The following CTNNA3 variants were observed in gnomAD, a reference collection of about 807,000 sequenced individuals.
The protein encoded by CTNNA3 is catenin alpha 3, also known as catenin alpha-3.
Under a neutral mutation model 95.7 loss-of-function variants are expected in CTNNA3, and 76 were observed. The ratio of observed to expected loss-of-function variants is 0.79; its 90% CI spans 0.66 to 0.96. The LOEUF (loss-of-function observed/expected upper bound fraction) is 0.96, where lower values mean the gene tolerates loss of function less well. Among genes scored for constraint, CTNNA3 ranks in the 40% least tolerant of loss-of-function variants. The pLI is 0.00. For synonymous variants in CTNNA3, 431 were observed against 374.4 expected (o/e 1.15, Z -1.74); for missense variants, 1,191 against 1,089.8 (o/e 1.09, Z -1.31).
At chr10:67,672,082 G>A (rs1253475805) in intron 1 of CTNNA3, among the ~76,000 whole-genome samples, 4 of 152,122 alleles carry the variant, frequency 2.6e-5, no homozygotes, top group Non-Finnish European at 5.9e-5. Context: ...TCTCATTGTG[G>A]TTTTGATTTG....
rs554468847 is a variant in CTNNA3, at chr10:67,447,569, C to T, written c.579+74273G>A. 4.7e-4 allele frequency among the ~76,000 whole-genome samples: 72 copies of T among 152,288 alleles called. No homozygotes were observed. In the Middle Eastern group the frequency reaches 0.01, roughly 22 times the overall value. ...TCCCCTCAGTCTAGAACATTCCCCA[C>T]CACTACCACCCATATCTGTTTGGCC... On this transcript the variant is annotated intron_variant, in intron 5 of 17. Transcript: ENST00000433211.
intron 1 of CTNNA3, among the ~76,000 whole-genome samples, chr10:67,705,198 A>T (rs1327124262): frequency 2.6e-5 from 4 of 152,122 alleles, no homozygotes; most frequent in Non-Finnish European, 5.9e-5. Flanking sequence ...AACTAGTTCA[A>T]CCATTGTGGA....
At chr10:66,409,936 C>T (rs1435903022) in intron 11 of CTNNA3, among the ~76,000 whole-genome samples, 1 of 152,174 alleles carries the variant, frequency 6.6e-6, no homozygotes, top group African/African-American at 2.4e-5. Flanking sequence ...TCAGGAAGCA[C>T]CAAGTGCCCT....
At chr10:66,906,938 ATTAT>A (rs1343757100) in intron 7 of CTNNA3, among the ~76,000 whole-genome samples, 1 of 152,092 alleles carries the variant, frequency 6.6e-6, no homozygotes, top group Non-Finnish European at 1.5e-5. Context: ...AAGTCCATTA[ATTAT>A]TCTCTTGACT....
At chr10:67,301,352 T>C (rs891644207) in intron 5 of CTNNA3, among the ~76,000 whole-genome samples, 1 of 152,100 alleles carries the variant, frequency 6.6e-6, no homozygotes, top group Non-Finnish European at 1.5e-5. Context: ...AGATGGAAGA[T>C]AAGTATAGGA....
intron 5 of CTNNA3, among the ~76,000 whole-genome samples, chr10:67,431,437 A>C (rs1846108581): frequency 6.6e-6 from 1 of 151,988 alleles, no homozygotes; most frequent in Non-Finnish European, 1.5e-5. Context: ...CCTTCTAACA[A>C]ACCCCATGAG....
At chr10:66,677,828 T>A (rs1846916217) in intron 9 of CTNNA3, among the ~76,000 whole-genome samples, 1 of 152,172 alleles carries the variant, frequency 6.6e-6, no homozygotes, top group African/African-American at 2.4e-5. Context: ...GAGAATAGAC[T>A]AATACAAAAG....
At chr10:67,367,252 C>A (rs1466605972) in intron 5 of CTNNA3, among the ~76,000 whole-genome samples, 2 of 152,064 alleles carry the variant, frequency 1.3e-5, no homozygotes, top group Non-Finnish European at 2.9e-5. Flanking sequence ...AAACAAATAA[C>A]CCCATTAAAA....
intron 5 of CTNNA3, among the ~76,000 whole-genome samples, chr10:67,392,335 G>C (rs531233389): frequency 1.2e-3 from 180 of 152,292 alleles, no homozygotes; most frequent in African/African-American, 4.0e-3. Context: ...TCAGAGAAAT[G>C]CAAATCAAAA....
Position 67,246,863 on chromosome 10 carries a change from C to T in CTNNA3, c.580-26993G>A, listed in dbSNP as rs536935642. ...AGAATGCGCAAGGAAAATGGCAGGA[C>T]CTCAACAGTTGTCTAATTGTCCGGC... On this transcript the variant is annotated intron_variant, in intron 5 of 17. Transcript: ENST00000433211. Among the ~76,000 whole-genome samples, 12 of 152,232 alleles carry T rather than the reference C, an allele frequency of 7.9e-5. No homozygotes were observed. The South Asian group carries it at 1.7e-3, about 21-fold the overall frequency.
At chr10:66,883,240 C>T (rs1844913028) in intron 7 of CTNNA3, among the ~76,000 whole-genome samples, 1 of 152,100 alleles carries the variant, frequency 6.6e-6, no homozygotes, top group Admixed American at 6.6e-5. Context: ...ACAGCGAGTG[C>T]TCAGATCCAG....
intron 11 of CTNNA3, among the ~76,000 whole-genome samples, chr10:66,442,324 C>T (rs186960734): frequency 1.3e-4 from 20 of 150,808 alleles, no homozygotes; most frequent in Admixed American, 2.7e-4. Context: ...CCATGGATAC[C>T]GAGGGATGGC....
intron 17 of CTNNA3, among the ~76,000 whole-genome samples, chr10:65,921,748 T>G (rs2077089850): frequency 6.6e-6 from 1 of 152,308 alleles, no homozygotes; most frequent in Non-Finnish European, 1.5e-5. Flanking sequence ...TGGAAAGATA[T>G]ATGGTCTGTC....
intron 5 of CTNNA3, among the ~76,000 whole-genome samples, chr10:67,337,055 C>G (rs1482478029): frequency 6.6e-6 from 1 of 152,084 alleles, no homozygotes; most frequent in African/African-American, 2.4e-5. Context: ...AACTTTCAAG[C>G]CTTATTATTT....
At chr10:67,051,091 C>A (rs527294461) in intron 7 of CTNNA3, among the ~76,000 whole-genome samples, 77 of 152,202 alleles carry the variant, frequency 5.1e-4, no homozygotes, top group Non-Finnish European at 7.5e-4. Flanking sequence ...ACAAATTAAC[C>A]AATAAAATAA....
intron 13 of CTNNA3, among the ~76,000 whole-genome samples, chr10:66,107,750 A>G (rs1399978945): frequency 6.6e-6 from 1 of 152,088 alleles, no homozygotes; most frequent in East Asian, 1.9e-4. Flanking sequence ...CGCAGACTTT[A>G]TAAATATTTA....
chr10:66,222,114 G>C (rs182551425), intron 13 of CTNNA3, among the ~76,000 whole-genome samples: 3 of 152,082 alleles, frequency 2.0e-5, no homozygotes, highest in Non-Finnish European at 2.9e-5. Flanking sequence ...TCAGAGTCTT[G>C]AAAGATTTGG....
chr10:67,402,689 C>T (rs1395573333), intron 5 of CTNNA3, among the ~76,000 whole-genome samples: 1 of 152,222 alleles, frequency 6.6e-6, no homozygotes, highest in Non-Finnish European at 1.5e-5. Flanking sequence ...AACCACATTT[C>T]TCCCATGGAT....
At chr10:66,274,685 A>C (rs1237618500) in intron 13 of CTNNA3, among the ~76,000 whole-genome samples, 1 of 152,130 alleles carries the variant, frequency 6.6e-6, no homozygotes, top group Non-Finnish European at 1.5e-5. Flanking sequence ...ATTAATATCT[A>C]ATTTACATGC....
Sources: gnomAD v4.1 joint callset for allele counts (sites outside exome capture counted in the v4.1 genomes callset) on GRCh38, gnomAD v4.1.1 for gene constraint, MANE v1.5 for transcripts, NCBI Gene and HGNC (gene_info 2026-07-23, HGNC 2026-07-21) for gene names.